The following CPNE4 variants were observed in gnomAD, a reference collection of about 807,000 sequenced individuals.
The protein encoded by CPNE4 is copine-4.
Under a neutral mutation model 67.9 loss-of-function variants are expected in CPNE4, and 25 were observed. The observed-to-expected ratio is 0.37, with a 90% CI of 0.27 to 0.51. The LOEUF is 0.51. Ranked by LOEUF, CPNE4 falls within the 20% of genes least tolerant of loss-of-function variation. The pLI is 0.93. For missense variants in CPNE4, 464 were observed against 690.8 expected (o/e 0.67, Z 3.68); for synonymous variants, 242 against 244.9 (o/e 0.99, Z 0.11).
chr3:131,779,747 G>C (rs779682597), intron 2 of CPNE4, among the ~76,000 whole-genome samples: 1 of 151,988 alleles, frequency 6.6e-6, no homozygotes, highest in Non-Finnish European at 1.5e-5. Flanking sequence ...AGAAAACCTA[G>C]GAAATCCATT....
chr3:131,754,878 G>C (rs1222901018), intron 2 of CPNE4, among the ~76,000 whole-genome samples: 1 of 152,082 alleles, frequency 6.6e-6, no homozygotes, highest in African/African-American at 2.4e-5. Flanking sequence ...CTATCTTTAA[G>C]TAATTTATGT....
chr3:131,968,018 C>A (rs924368242), intron 1 of CPNE4, among the ~76,000 whole-genome samples: 2 of 152,042 alleles, frequency 1.3e-5, no homozygotes, highest in African/African-American at 4.8e-5. Context: ...ATATATAGAC[C>A]AACGGAACAG....
chr3:131,542,664 T>C lies in CPNE4; in HGVS notation c.1432A>G (p.Ser478Gly). ...TCACCGTCCAGCATCTGCATGTCAC[T>C]GAAGTCAGCGTTCCCTACTCCCACG... The part of the protein sequence containing the change: ...IIVGVGNADF[S>G]DMQMLDGDDG... The change falls in exon 15 of 16, where the codon AGT becomes GGT. Residue 478 changes from serine to glycine, a missense_variant. This residue lies in a region of CPNE4 where 201 missense variants were observed against 357.7 expected (regional missense o/e 0.56). Transcript: ENST00000429747. 1 of 1,614,102 alleles carries C rather than the reference T, an allele frequency of 6.2e-7. No individual in the cohort carries two copies. Among genetic ancestry groups the C allele is most frequent in the Non-Finnish European group, 8.5e-7 (1 of 1,179,990 alleles).
chr3:132,008,230 GAAATGGAGTAAAT>G (rs2073658083), intron 1 of CPNE4, among the ~76,000 whole-genome samples: 1 of 152,162 alleles, frequency 6.6e-6, no homozygotes, highest in Non-Finnish European at 1.5e-5. Flanking sequence ...AGTCTCGAGT[GAAATGGAGTAAAT>G]ATTAGGTGTA....
chr3:131,575,456 G>A (rs1191865328), intron 9 of CPNE4, among the ~76,000 whole-genome samples: 3 of 152,076 alleles, frequency 2.0e-5, no homozygotes, highest in African/African-American at 7.2e-5. Context: ...AATCAATGAT[G>A]TCTCACACTT....
chr3:131,733,404 T>C (rs1013965614), intron 2 of CPNE4, among the ~76,000 whole-genome samples: 7 of 152,216 alleles, frequency 4.6e-5, no homozygotes, highest in Admixed American at 1.3e-4. Flanking sequence ...TTAAGTTCCT[T>C]CCACTTGGCT....
chr3:131,542,544 T>C lies in CPNE4; in HGVS notation c.1539+13A>G, dbSNP rs762628545. ...CTCTTCCATGAAAAGTGCCCCAATG[T>C]GTATATGCATACGTGTTTGAAGTTC... On this transcript the variant is annotated intron_variant, in intron 15 of 15. Transcript: ENST00000429747. 1.3e-6 allele frequency: 2 copies of C among 1,578,842 alleles called. No individual in the cohort carries two copies. Among genetic ancestry groups the C allele is most frequent in the Non-Finnish European group, 1.7e-6 (2 of 1,147,848 alleles).
chr3:131,884,230 C>T (rs2087790623), intron 2 of CPNE4, among the ~76,000 whole-genome samples: 1 of 152,182 alleles, frequency 6.6e-6, no homozygotes, highest in South Asian at 2.1e-4. Flanking sequence ...GAATGAATCA[C>T]TTATGTGTGC....
chr3:131,702,571 C>G (rs1560144439), intron 3 of CPNE4, among the ~76,000 whole-genome samples: 1 of 152,194 alleles, frequency 6.6e-6, no homozygotes, highest in South Asian at 2.1e-4. Flanking sequence ...TGTGATTCAT[C>G]CGCATTGGTC....
At chr3:132,005,358 C>T (rs879725245) in intron 1 of CPNE4, among the ~76,000 whole-genome samples, 47,971 of 79,746 alleles carry the variant, frequency 0.6, 13,874 homozygotes, top group South Asian at 0.69. Context: ...CACACACACA[C>T]ACACACACAC....
intron 10 of CPNE4, among the ~76,000 whole-genome samples, chr3:131,567,173 G>GCC (rs1937102840): frequency 6.6e-6 from 1 of 151,850 alleles, no homozygotes; most frequent in South Asian, 2.1e-4. Flanking sequence ...CTGGTGTCTT[G>GCC]ATATAAAACT....
rs563502083 is a variant in CPNE4, at chr3:131,989,737, C to T, written c.-2+44830G>A. ...AGGTGAGGAATAAATCCAAATTTTA[C>T]GGGTGGAGAAAGCATGTCCAGTCCA... On this transcript the variant is annotated intron_variant, in intron 1 of 15. Transcript: ENST00000429747. Among the ~76,000 whole-genome samples the T allele has an allele frequency of 1.2e-4, 16 of 136,458 alleles. 3 individuals are homozygous for T. In the South Asian group the frequency reaches 1.8e-3, roughly 15 times the overall value. 89.5% of individuals were successfully genotyped at this position (136,458 alleles called of 152,430 possible). A position where few individuals can be genotyped will look rare whatever the true frequency, so the allele number is the denominator to read the frequency against.
At position 131,964,434 on chromosome 3, in the gene CPNE4, G is replaced by A. The variant is rs572512670; in HGVS notation, c.-1-58990C>T. On this transcript the variant is annotated intron_variant, in intron 1 of 15. Coordinates refer to ENST00000429747, the MANE Select transcript of CPNE4 (RefSeq NM_130808.3). ...TAATAACAAACTCCTCTGAGCTAAA[G>A]GAGCATATTCTAACCCAATCCAAGG... 3.4e-3 allele frequency among the ~76,000 whole-genome samples: 511 copies of A among 152,070 alleles called. 3 individuals are homozygous for A. The highest frequency in any genetic ancestry group is 0.012 in the African/African-American group (499 of 41,510).
rs1415756585 is a variant in CPNE4, at chr3:131,978,386, TTATATATTTATA to T, written c.-2+56169_-2+56180del. 5.6e-3 allele frequency among the ~76,000 whole-genome samples: 6 copies of T among 1,066 alleles called. 2 individuals carry two copies. In the East Asian group the frequency reaches 0.065, roughly 12 times the overall value. The allele number at this position is 1,066 out of a possible 152,430, so 0.7% of individuals were successfully genotyped here. Reference sequence around the variant, plus strand: ...TATATTTATATATATATTTATATATTTATATATTTATATATATATTTATATATATGTATATAT... The same window carrying T: ...TATATTTATATATATATTTATATATTTATATATTTATATATATGTATATAT... On this transcript the variant is annotated intron_variant, in intron 1 of 15. Transcript: ENST00000429747.
At chr3:131,696,941 A>C (rs114043029) in intron 4 of CPNE4, among the ~76,000 whole-genome samples, 1 of 152,246 alleles carries the variant, frequency 6.6e-6, no homozygotes, top group Non-Finnish European at 1.5e-5. Flanking sequence ...TAGTATTTCT[A>C]TAATTAACTA....
At chr3:131,670,002 T>C (rs78432648) in intron 6 of CPNE4, among the ~76,000 whole-genome samples, 2,708 of 152,290 alleles carry the variant, frequency 0.018, 90 homozygotes, top group African/African-American at 0.062. Flanking sequence ...ATAATGCCAA[T>C]AATATTTTCC....
chr3:131,759,641 G>T (rs1027367932), intron 2 of CPNE4, among the ~76,000 whole-genome samples: 34 of 152,054 alleles, frequency 2.2e-4, no homozygotes, highest in African/African-American at 8.0e-4. Context: ...GAAAATTATG[G>T]AACTGCAATC....
chr3:132,031,022 C>G (rs2074224081), intron 1 of CPNE4, among the ~76,000 whole-genome samples: 1 of 152,140 alleles, frequency 6.6e-6, no homozygotes, highest in South Asian at 2.1e-4. Flanking sequence ...TAACCCCAAC[C>G]TAAATTATTA....
At chr3:131,569,684 A>AAGAAAGAAAGAAAGAG in intron 10 of CPNE4, among the ~76,000 whole-genome samples, 1 of 151,220 alleles carries the variant, frequency 6.6e-6, no homozygotes. Flanking sequence ...AGAAGAAAGG[A>AAGAAAGAAAGAAAGAG]AGAAAGAAAG....
Sources: allele counts gnomAD v4.1 joint callset (sites outside exome capture counted in the v4.1 genomes callset), GRCh38; gene constraint gnomAD v4.1.1; regional missense constraint gnomAD v4.1.1; transcripts MANE v1.5; gene names NCBI Gene and HGNC (gene_info 2026-07-23, HGNC 2026-07-21).